CFI: variants seen among roughly 807,000 people sequenced by gnomAD.
The protein encoded by CFI is C3B/C4B inactivator.
Under a neutral mutation model 78.8 loss-of-function variants are expected in CFI, and 66 were observed. That is an observed-to-expected ratio of 0.84 (90% CI 0.69 to 1.03). CFI has a LOEUF of 1.03. Ranked by LOEUF, CFI falls within the 50% of genes least tolerant of loss-of-function variation. The pLI, the probability that CFI is intolerant of heterozygous loss-of-function variation, is 0.00. For synonymous variants in CFI, 250 were observed against 232.6 expected, an observed-to-expected ratio of 1.07 and a Z score of -0.68; for missense variants, 706 against 704.5, an observed-to-expected ratio of 1.00 and a Z score of -0.02.
chr4:109,756,440 AAGG>A (rs147367630), intron 7 of CFI, among the ~76,000 whole-genome samples: 30,837 of 150,656 alleles, frequency 0.2, 3,680 homozygotes, highest in Admixed American at 0.32. Context: ...GAAGAGGAAG[AAGG>A]AGGAGGAGGA....
chr4:109,760,116 G>C (rs1393408577), intron 6 of CFI, 154 bp downstream of exon 6: 2 of 706,820 alleles, frequency 2.8e-6, no homozygotes, highest in Non-Finnish European at 5.2e-6. Flanking sequence ...AAAATATGAG[G>C]AGATGAACAT....
intron 1 of CFI, among the ~76,000 whole-genome samples, chr4:109,799,957 AT>A (rs1157368741): frequency 6.6e-6 from 1 of 152,084 alleles, no homozygotes; most frequent in Non-Finnish European, 1.5e-5. Context: ...TGCATTCAAC[AT>A]TTTCTTAGGT....
chr4:109,766,454 T>G, intron 2 of CFI, 100 bp downstream of exon 2: 1 of 1,428,862 alleles, frequency 7.0e-7, no homozygotes. Flanking sequence ...TTTTGAGTTG[T>G]CATCATAACA....
chr4:109,758,723 T>G (rs1726635366), intron 6 of CFI, among the ~76,000 whole-genome samples: 1 of 152,184 alleles, frequency 6.6e-6, no homozygotes. Flanking sequence ...GTAATCATCT[T>G]AGCATCACTA....
intron 2 of CFI, among the ~76,000 whole-genome samples, chr4:109,765,619 C>T (rs1727636943): frequency 2.0e-5 from 3 of 152,156 alleles, no homozygotes; most frequent in African/African-American, 7.2e-5. Flanking sequence ...TCATAACTAC[C>T]CACTAGTCTG....
intron 1 of CFI, among the ~76,000 whole-genome samples, chr4:109,782,026 A>G (rs1054490353): frequency 1.3e-5 from 2 of 152,176 alleles, no homozygotes; most frequent in African/African-American, 4.8e-5. Flanking sequence ...AATAAAAGCT[A>G]TCTATGACAA....
intron 1 of CFI, among the ~76,000 whole-genome samples, chr4:109,789,899 C>G (rs1731175986): frequency 1.3e-5 from 2 of 151,972 alleles, no homozygotes; most frequent in African/African-American, 2.4e-5. Flanking sequence ...TGTTAATTCT[C>G]TTTATATGTT....
chr4:109,799,892 G>A (rs1033280679), intron 1 of CFI, among the ~76,000 whole-genome samples: 2 of 152,158 alleles, frequency 1.3e-5, no homozygotes, highest in African/African-American at 4.8e-5. Context: ...AGGACACAAA[G>A]GACAGACACG....
chr4:109,776,972 A>G (rs4605655), intron 1 of CFI, among the ~76,000 whole-genome samples: 61,376 of 151,972 alleles, frequency 0.4, 13,305 homozygotes, highest in Admixed American at 0.53. Flanking sequence ...CCTGAAGGAA[A>G]CACTAAACAT....
intron 7 of CFI, among the ~76,000 whole-genome samples, chr4:109,754,449 A>AT (rs1413433672): frequency 6.5e-4 from 90 of 138,168 alleles, no homozygotes; most frequent in Non-Finnish European, 1.1e-3. Flanking sequence ...TTTTTTTTAG[A>AT]TTTTTTTCTT....
chr4:109,793,948 C>T (rs1263664399), intron 1 of CFI: 1 of 152,232 alleles, frequency 6.6e-6, no homozygotes, highest in Admixed American at 6.5e-5. Flanking sequence ...ATACAGAATT[C>T]TTGGTTGACA....
chr4:109,760,404 G>GT, intron 5 of CFI, 24 bp from the exon 6 acceptor site: 7 of 1,588,442 alleles, frequency 4.4e-6, no homozygotes, highest in Non-Finnish European at 6.1e-6. Flanking sequence ...AGCAGGAGAG[G>GT]TTTTTTTCAT....
intron 1 of CFI, among the ~76,000 whole-genome samples, chr4:109,781,939 G>A (rs1730095065): frequency 1.3e-5 from 2 of 152,044 alleles, no homozygotes; most frequent in East Asian, 1.9e-4. Context: ...TGCAGAAAAA[G>A]CATTCGACAA....
chr4:109,784,951 C>T (rs573054320), intron 1 of CFI, among the ~76,000 whole-genome samples: 2 of 152,180 alleles, frequency 1.3e-5, no homozygotes, highest in Admixed American at 6.6e-5. Flanking sequence ...CCACTCTAAC[C>T]GGTCAATTGA....
At chr4:109,755,966 A>G (rs1726079974) in intron 7 of CFI, among the ~76,000 whole-genome samples, 1 of 152,218 alleles carries the variant, frequency 6.6e-6, no homozygotes, top group South Asian at 2.1e-4. Context: ...ATGAACACAC[A>G]GTAACATGGA....
At position 109,746,139 on chromosome 4, in the gene CFI, G is replaced by A. The variant is rs934344818; in HGVS notation, c.1429+83C>T. 2.0e-6 allele frequency: 3 copies of A among 1,466,272 alleles called. No homozygotes were observed. The South Asian group carries it at 3.5e-5, about 17-fold the overall frequency. 90.8% of individuals were successfully genotyped at this position (1,466,272 alleles called of 1,614,324 possible). A position where few individuals can be genotyped will look rare whatever the true frequency, so the allele number is the denominator to read the frequency against. Reference sequence around the variant, plus strand: ...TATGATGTTATGCTTCTCTCTGAGTGCTAGGAAATTAGCTCCTATACATTT... The same window carrying A: ...TATGATGTTATGCTTCTCTCTGAGTACTAGGAAATTAGCTCCTATACATTT... On this transcript the variant is annotated intron_variant, in intron 11 of 12. Transcript: ENST00000394634.
chr4:109,797,543 A>G (rs1186855374), intron 1 of CFI, among the ~76,000 whole-genome samples: 1 of 147,912 alleles, frequency 6.8e-6, no homozygotes, highest in Non-Finnish European at 1.5e-5. Context: ...TGACGACAAA[A>G]GCACAGGCAA....
At chr4:109,791,594 A>G (rs932397621) in intron 1 of CFI, among the ~76,000 whole-genome samples, 3 of 152,062 alleles carry the variant, frequency 2.0e-5, no homozygotes, top group African/African-American at 7.2e-5. Flanking sequence ...TAATTCTTTA[A>G]TCTATCTTGA....
intron 7 of CFI, among the ~76,000 whole-genome samples, chr4:109,756,888 G>GAAA (rs1726239051): frequency 1.7e-5 from 1 of 57,866 alleles, no homozygotes; most frequent in African/African-American, 7.5e-5. Context: ...AAGAAAGAAA[G>GAAA]GAAAGAAAGA....
Sources: gnomAD v4.1 joint callset for allele counts (sites outside exome capture counted in the v4.1 genomes callset) on GRCh38, gnomAD v4.1.1 for gene constraint, MANE v1.5 for transcripts, NCBI Gene and HGNC (gene_info 2026-07-23, HGNC 2026-07-21) for gene names.